Variants in ADD2 observed in about 807,000 individuals in gnomAD.
ADD2 encodes adducin 2.
ADD2 carries 23 observed loss-of-function variants against 83.0 expected under a neutral mutation model. The observed-to-expected ratio is 0.28, with a 90% confidence interval of 0.20 to 0.39. The LOEUF is 0.39. Among genes scored for constraint, ADD2 ranks in the 10% least tolerant of loss-of-function variants. The pLI is 1.00. For synonymous variants in ADD2, 375 were observed against 375.4 expected (o/e 1.00, Z 0.01); for missense variants, 758 against 944.9 (o/e 0.80, Z 2.59).
At chr2:70,702,892 CG>C (rs1187239208) in intron 4 of ADD2, among the ~76,000 whole-genome samples, 2 of 152,002 alleles carry the variant, frequency 1.3e-5, no homozygotes, top group Non-Finnish European at 2.9e-5. Context: ...TTTGGGAGAC[CG>C]GGGTGGGTGG....
intron 1 of ADD2, among the ~76,000 whole-genome samples, chr2:70,725,158 C>T (rs1672925083): frequency 6.6e-6 from 1 of 152,168 alleles, no homozygotes; most frequent in Non-Finnish European, 1.5e-5. Flanking sequence ...ATGGTAGCCA[C>T]CCCAAGGGGC....
chr2:70,741,255 T>C (rs1470513430), intron 1 of ADD2: 1 of 152,206 alleles, frequency 6.6e-6, no homozygotes, highest in African/African-American at 2.4e-5. Context: ...AAACTCCCTG[T>C]AACAGTGAAT....
rs782425601 is a variant in ADD2, at chr2:70,677,752, A to G, written c.1503+6T>C. 5 of 1,614,078 alleles carry G rather than the reference A, an allele frequency of 3.1e-6. No homozygotes were observed. The South Asian group carries it at 5.5e-5, about 18-fold the overall frequency. ...AGAAAGAGTGGGATAAACAGACCCC[A>G]CTTACCTTGTTCCTCATCTCCAGTA... On this transcript the variant is annotated splice_donor_region_variant and intron_variant, in intron 12 of 15. Coordinates refer to ENST00000264436, the MANE Select transcript of ADD2 (RefSeq NM_001617.4).
At position 70,659,628 on chromosome 2, in the gene ADD2, C is replaced by A. The variant is rs1675474114; in HGVS notation, c.*3797G>T. ...AGGAGAGTGGAGGGGGTCAACTGGC[C>A]AAAGTAGGACAGTTACTTGGGTTGC... On this transcript the variant is annotated 3_prime_UTR_variant, in exon 16 of 16. Coordinates refer to ENST00000264436, the MANE Select transcript of ADD2 (RefSeq NM_001617.4). 6.6e-6 allele frequency: 1 copy of A among 152,166 alleles called. No homozygotes were observed. The highest frequency in any genetic ancestry group is 1.5e-5 in the Non-Finnish European group (1 of 68,062). The allele number at this position is 152,166 out of a possible 1,614,324, so 9.4% of individuals were successfully genotyped here.
intron 10 of ADD2, among the ~76,000 whole-genome samples, chr2:70,682,191 T>C (rs2104270769): frequency 6.6e-6 from 1 of 152,362 alleles, no homozygotes; most frequent in South Asian, 2.1e-4. Flanking sequence ...GTAGCATTTT[T>C]CATCAACGTT....
chr2:70,704,314 C>A lies in ADD2; in HGVS notation c.322+7G>T, dbSNP rs954668500. 1.2e-6 allele frequency: 2 copies of A among 1,606,944 alleles called. No individual in the cohort carries two copies. Among genetic ancestry groups the A allele is most frequent in the Non-Finnish European group, 1.7e-6 (2 of 1,176,182 alleles). ...CTGCTCCTGGCAGCTCCCCAGACAC[C>A]ACATACTCATGGAAGATGTCGGGAA... On this transcript the variant is annotated splice_region_variant and intron_variant, in intron 4 of 15. Coordinates refer to ENST00000264436, the MANE Select transcript of ADD2 (RefSeq NM_001617.4).
intron 1 of ADD2, among the ~76,000 whole-genome samples, chr2:70,726,186 C>CAAAAAAAAAAAAA (rs34333514): frequency 1.3e-4 from 6 of 45,488 alleles, no homozygotes; most frequent in Non-Finnish European, 2.5e-4. Context: ...GACTCCATCT[C>CAAAAAAAAAAAAA]AAAAAAAAAA....
chr2:70,748,425 C>T lies in ADD2; in HGVS notation c.-154+19461G>A, dbSNP rs1674340154. Among the ~76,000 whole-genome samples the T allele has an allele frequency of 2.0e-5, 3 of 152,068 alleles. No individual in the cohort carries two copies. In the South Asian group the frequency reaches 6.2e-4, roughly 32 times the overall value. On this transcript the variant is annotated intron_variant, in intron 1 of 15. Coordinates refer to ENST00000264436, the MANE Select transcript of ADD2 (RefSeq NM_001617.4). ...ACTCCTTCCCTCTGGTCTTGTGTGG[C>T]CTCTCTGACCACTTAAGGTAAAACA...
chr2:70,741,606 T>G (rs1319065110), intron 1 of ADD2, among the ~76,000 whole-genome samples: 1 of 152,160 alleles, frequency 6.6e-6, no homozygotes, highest in Non-Finnish European at 1.5e-5. Flanking sequence ...TTCTAGTCAA[T>G]AAAATATGAA....
At chr2:70,727,922 A>T (rs1673092014) in intron 1 of ADD2, among the ~76,000 whole-genome samples, 1 of 150,892 alleles carries the variant, frequency 6.6e-6, no homozygotes, top group African/African-American at 2.5e-5. Flanking sequence ...TAAATAAATA[A>T]ATAAATAAAT....
chr2:70,687,581 C>T (rs1670802315), intron 9 of ADD2, among the ~76,000 whole-genome samples: 1 of 139,332 alleles, frequency 7.2e-6, no homozygotes, highest in Non-Finnish European at 1.5e-5. Context: ...TGCAAACCAA[C>T]CCCCTCCCCT....
intron 1 of ADD2, among the ~76,000 whole-genome samples, chr2:70,745,959 A>C (rs181339087): frequency 6.6e-6 from 1 of 152,372 alleles, no homozygotes; most frequent in East Asian, 1.9e-4. Flanking sequence ...CTGTGAAACA[A>C]ATCTATTTTG....
In ADD2 at chr2:70,663,257, G is replaced by A; in HGVS notation, c.*168C>T. ...TGGGCAAGTCACCTGATTTCTCTTG[G>A]GCAACTGTAAAACGAAGGGTTGGTC... On this transcript the variant is annotated 3_prime_UTR_variant, in exon 16 of 16. Transcript: ENST00000264436. 2.6e-6 allele frequency: 2 copies of A among 756,226 alleles called. No individual in the cohort carries two copies. The highest frequency in any genetic ancestry group is 1.9e-5 in the South Asian group (1 of 52,336). The allele number at this position is 756,226 out of a possible 1,614,324, so 46.8% of individuals were successfully genotyped here. A position where few individuals can be genotyped will look rare whatever the true frequency, so the allele number is the denominator to read the frequency against.
chr2:70,758,508 GAAA>G (rs1160516027), intron 1 of ADD2, among the ~76,000 whole-genome samples: 1 of 152,144 alleles, frequency 6.6e-6, no homozygotes, highest in Admixed American at 6.6e-5. Flanking sequence ...GAGCGTAAAG[GAAA>G]AAGAGGAAAA....
At chr2:70,665,835 G>A (rs556242408) in intron 15 of ADD2, among the ~76,000 whole-genome samples, 5 of 129,322 alleles carry the variant, frequency 3.9e-5, no homozygotes, top group South Asian at 4.6e-4. Flanking sequence ...TTTTTTTCCC[G>A]AAACAGTCCT....
In ADD2 at chr2:70,720,095, G is replaced by GT. The variant is rs201517913; in HGVS notation, c.-153-6912dup. Among the ~76,000 whole-genome samples, 245 of 152,086 alleles carry GT rather than the reference G, an allele frequency of 1.6e-3. 1 individual carries two copies. Among genetic ancestry groups the GT allele is most frequent in the African/African-American group, 4.3e-3 (179 of 41,498 alleles). On this transcript the variant is annotated intron_variant, in intron 1 of 15. Transcript: ENST00000264436. ...ATTAAGGTTGAAATTGTTTTGTGGG[G>GT]TTTTTTTTACTGGGCATTTCCCCCC...
chr2:70,698,034 G>T (rs1444117278), intron 4 of ADD2, among the ~76,000 whole-genome samples: 19 of 152,218 alleles, frequency 1.2e-4, no homozygotes, highest in Non-Finnish European at 1.5e-5. Flanking sequence ...TGACCAGTTT[G>T]GGATTGCCTC....
In ADD2 at chr2:70,676,380, T is replaced by G; in HGVS notation, c.1593+416A>C. ...GTACATGATCATCTTTCCAGAGCTC[T>G]GGTTGGATGATGTCATACCAGGCTC... On this transcript the variant is annotated intron_variant, in intron 13 of 15. Coordinates refer to ENST00000264436, the MANE Select transcript of ADD2 (RefSeq NM_001617.4). This position sits in a 1 kb window ranked among gnomAD's most constrained non-coding sequence, Gnocchi z 4.8. 9.0e-7 allele frequency: 1 copy of G among 1,113,554 alleles called. No individual in the cohort carries two copies. Among genetic ancestry groups the G allele is most frequent in the South Asian group, 3.9e-5 (1 of 25,502 alleles). 69.0% of individuals were successfully genotyped at this position (1,113,554 alleles called of 1,614,324 possible).
At chr2:70,664,961 C>T (rs1375521446) in intron 15 of ADD2, among the ~76,000 whole-genome samples, 2 of 150,254 alleles carry the variant, frequency 1.3e-5, no homozygotes, top group African/African-American at 4.9e-5. Context: ...TGCACATGAG[C>T]ATATGCGAGG....
Sources: gnomAD v4.1 joint callset for allele counts (sites outside exome capture counted in the v4.1 genomes callset) on GRCh38, gnomAD v4.1.1 for gene constraint, Gnocchi (gnomAD v3.1) non-coding constraint, MANE v1.5 for transcripts, NCBI Gene and HGNC (gene_info 2026-07-23, HGNC 2026-07-21) for gene names.